C8A: variants seen among roughly 807,000 people sequenced by gnomAD.
C8A encodes the protein complement C8 alpha chain.
In C8A, 67 loss-of-function variants were observed where a neutral mutation model predicts 65.3. The observed-to-expected ratio is 1.03, with a 90% confidence interval of 0.84 to 1.26. The LOEUF (loss-of-function observed/expected upper bound fraction) is 1.26. Ranked by LOEUF, C8A falls within the 50% of genes most tolerant of loss-of-function variation. The pLI is 0.00. For synonymous variants in C8A, 290 were observed against 259.4 expected (o/e 1.12, Z -1.13); for missense variants, 781 against 723.9 (o/e 1.08, Z -0.90).
chr1:56,913,840 G>T (rs1191734054), intron 10 of C8A, among the ~76,000 whole-genome samples: 2 of 152,188 alleles, frequency 1.3e-5, no homozygotes, highest in Admixed American at 1.3e-4. Flanking sequence ...AGGGTGGAGG[G>T]GGCTGAAGCC....
intron 2 of C8A, 58 bp from the exon 3 acceptor site, chr1:56,874,891 T>G (rs551476484): frequency 1.3e-6 from 2 of 1,597,390 alleles, no homozygotes; most frequent in South Asian, 1.1e-5. Flanking sequence ...GCTGCACAAG[T>G]CTTGGTTGAT....
intron 9 of C8A, among the ~76,000 whole-genome samples, chr1:56,908,720 C>A (rs1466621471): frequency 6.6e-6 from 1 of 152,158 alleles, no homozygotes; most frequent in African/African-American, 2.4e-5. Context: ...ACTATTCCCT[C>A]CCATTAAAAA....
At chr1:56,858,500 A>G (rs541264147) in intron 1 of C8A, among the ~76,000 whole-genome samples, 4 of 152,322 alleles carry the variant, frequency 2.6e-5, no homozygotes, top group South Asian at 4.1e-4. Context: ...ACAACTATCT[A>G]AGCTTCTAAA....
At chr1:56,863,231 T>C (rs1644051293) in intron 1 of C8A, among the ~76,000 whole-genome samples, 1 of 152,226 alleles carries the variant, frequency 6.6e-6, no homozygotes, top group African/African-American at 2.4e-5. Context: ...TGTATTACTT[T>C]TATAATCATC....
rs1644014774 is a variant in C8A at position 56,859,946 on chromosome 1, C to T, written c.77+4968C>T. On this transcript the variant is annotated intron_variant, in intron 1 of 10. Coordinates refer to ENST00000361249, the MANE Select transcript of C8A (RefSeq NM_000562.3). The stretch of plus-strand genomic sequence containing the variant: ...GGCATGGTGGCACATGCCTGTAGTC[C>T]CAGCTGCTCGGGAGACTGAGGCACG... Among the ~76,000 whole-genome samples, 3 of 152,228 alleles carry T rather than the reference C, an allele frequency of 2.0e-5. No homozygotes were observed. In the South Asian group the frequency reaches 6.2e-4, roughly 32 times the overall value.
chr1:56,858,750 G>A (rs1310118173), intron 1 of C8A, among the ~76,000 whole-genome samples: 1 of 152,172 alleles, frequency 6.6e-6, no homozygotes, highest in Non-Finnish European at 1.5e-5. Flanking sequence ...ACTCAAAAGC[G>A]AATCATGTAA....
intron 6 of C8A, among the ~76,000 whole-genome samples, chr1:56,884,478 T>C (rs1644274014): frequency 6.6e-6 from 1 of 152,190 alleles, no homozygotes; most frequent in African/African-American, 2.4e-5. Flanking sequence ...GTTCAAAAAT[T>C]ATCTTGAATG....
chr1:56,865,622 A>T (rs940080365), intron 1 of C8A, among the ~76,000 whole-genome samples: 1 of 152,156 alleles, frequency 6.6e-6, no homozygotes, highest in Non-Finnish European at 1.5e-5. Context: ...TTTTTTCTTG[A>T]TGAAAAAACT....
chr1:56,910,008 A>G (rs746904761), intron 9 of C8A, among the ~76,000 whole-genome samples: 49 of 152,328 alleles, frequency 3.2e-4, no homozygotes, highest in Middle Eastern at 3.4e-3. Context: ...ATAGCAGGGA[A>G]GTAACACAGC....
Position 56,886,100 on chromosome 1 carries a change from A to G in C8A, c.1029A>G (p.Thr343=). 1.2e-6 allele frequency: 2 copies of G among 1,614,042 alleles called. No individual in the cohort carries two copies. Among genetic ancestry groups the G allele is most frequent in the Non-Finnish European group, 1.7e-6 (2 of 1,179,940 alleles). Residue 343 remains threonine, a synonymous_variant, in exon 7 of 11, where the codon ACA becomes ACG. Coordinates refer to ENST00000361249, the MANE Select transcript of C8A (RefSeq NM_000562.3). ...ATGACTATGGCACCCATTACATCAC[A>G]TCTGGATCCATGGGTGGCATTTATG... ...FINDYGTHYI[T]SGSMGGIYEY...
chr1:56,900,966 C>T (rs1420534368), intron 7 of C8A, among the ~76,000 whole-genome samples: 1 of 152,202 alleles, frequency 6.6e-6, no homozygotes, highest in Non-Finnish European at 1.5e-5. Context: ...TAAGAAAAGG[C>T]TGTCTGGAGC....
intron 9 of C8A, among the ~76,000 whole-genome samples, chr1:56,909,319 T>C (rs1644489762): frequency 6.6e-6 from 1 of 152,216 alleles, no homozygotes; most frequent in South Asian, 2.1e-4. Flanking sequence ...GATATGGATA[T>C]AGTCCTCCTC....
rs371967451 is a variant in C8A at position 56,908,126 on chromosome 1, G to T, written c.1380+13G>T. On this transcript the variant is annotated intron_variant, in intron 9 of 10. Transcript: ENST00000361249. ...TATCGATTTTGAGGTAAGTCTTTTCGCAGTTGAAGAAACTCTACGTCCATG... is the reference window on the plus strand; with the variant it reads ...TATCGATTTTGAGGTAAGTCTTTTCTCAGTTGAAGAAACTCTACGTCCATG... 1.9e-6 allele frequency: 3 copies of T among 1,613,604 alleles called. No homozygotes were observed. Among genetic ancestry groups the T allele is most frequent in the Non-Finnish European group, 2.5e-6 (3 of 1,179,620 alleles).
intron 4 of C8A, among the ~76,000 whole-genome samples, chr1:56,881,119 A>G (rs974840290): frequency 6.6e-6 from 1 of 152,202 alleles, no homozygotes; most frequent in African/African-American, 2.4e-5. Flanking sequence ...AGTGTTACCT[A>G]AAGTGGCCCA....
chr1:56,900,111 T>C (rs1201069914), intron 7 of C8A, among the ~76,000 whole-genome samples: 1 of 152,192 alleles, frequency 6.6e-6, no homozygotes, highest in Non-Finnish European at 1.5e-5. Flanking sequence ...CTAGCTTCCT[T>C]TCTCTAAGCT....
rs756722484 is a variant in C8A, at chr1:56,855,026, G to T, written c.77+48G>T. On this transcript the variant is annotated intron_variant, in intron 1 of 10. Coordinates refer to ENST00000361249, the MANE Select transcript of C8A (RefSeq NM_000562.3). ...CAAAACTTGCACGTAGGAATCACCT[G>T]CTGGGGAACTAAGACACTTTTATGT... The T allele has an allele frequency of 3.6e-6, 5 of 1,375,586 alleles. No homozygotes were observed. The African/African-American group carries it at 7.1e-5, about 20-fold the overall frequency. 85.2% of individuals were successfully genotyped at this position (1,375,586 alleles called of 1,614,324 possible).
At chr1:56,895,307 C>T (rs981266813) in intron 7 of C8A, among the ~76,000 whole-genome samples, 1 of 152,116 alleles carries the variant, frequency 6.6e-6, no homozygotes, top group Non-Finnish European at 1.5e-5. Flanking sequence ...ACCTTAAATG[C>T]ACCATCTCAT....
chr1:56,885,452 A>ATG (rs1487397386), intron 6 of C8A, among the ~76,000 whole-genome samples: 1 of 92,290 alleles, frequency 1.1e-5, no homozygotes, highest in Non-Finnish European at 2.1e-5. Flanking sequence ...AAATATATAT[A>ATG]TATTTCCGTA....
At chr1:56,892,330 A>T (rs573402889) in intron 7 of C8A, among the ~76,000 whole-genome samples, 60 of 151,872 alleles carry the variant, frequency 4.0e-4, no homozygotes, top group African/African-American at 1.4e-3. Context: ...CCATACCAAG[A>T]CTCCTCACCT....
Sources: gnomAD v4.1 joint callset for allele counts (sites outside exome capture counted in the v4.1 genomes callset) on GRCh38, gnomAD v4.1.1 for gene constraint, MANE v1.5 for transcripts, NCBI Gene and HGNC (gene_info 2026-07-23, HGNC 2026-07-21) for gene names.